The following ING5 variants were observed in gnomAD, a reference collection of about 807,000 sequenced individuals.
ING5 encodes the protein inhibitor of growth family member 5, also known as inhibitor of growth protein 5.
A neutral mutation model predicts 37.4 loss-of-function variants in ING5; 17 were observed. The observed-to-expected ratio is 0.45, with a 90% CI of 0.31 to 0.68. The LOEUF (loss-of-function observed/expected upper bound fraction) is 0.68. Among genes scored for constraint, ING5 ranks in the 30% least tolerant of loss-of-function variants. The pLI is 0.05. For missense variants in ING5, 233 were observed against 311.9 expected (o/e 0.75, Z 1.91); for synonymous variants, 123 against 116.6 (o/e 1.06, Z -0.36).
upstream of ING5, among the ~76,000 whole-genome samples, chr2:241,699,687 T>TGGGGC (rs2069684051): frequency 6.9e-6 from 1 of 145,266 alleles, no homozygotes; most frequent in African/African-American, 2.6e-5. Flanking sequence ...TGGCTGGGGG[T>TGGGGC]GGGGCGGGGG....
At position 241,721,558 on chromosome 2, in the gene ING5, G is replaced by C. The variant is rs1268942336; in HGVS notation, c.483-1381G>C. The C allele has an allele frequency of 3.0e-6, 3 of 985,330 alleles. No individual in the cohort carries two copies. The East Asian group carries it at 3.4e-4, about 112-fold the overall frequency. 61.0% of individuals were successfully genotyped at this position (985,330 alleles called of 1,614,324 possible). A position where few individuals can be genotyped will look rare whatever the true frequency, so the allele number is the denominator to read the frequency against. On this transcript the variant is annotated intron_variant, in intron 5 of 7. Transcript: ENST00000313552. ...AGACAGGTATCCAAGGAAAAGCTGA[G>C]TGTTGATTCCCTCTGGGACCCAGAC...
At chr2:241,723,174 G>A (rs746607590) in intron 6 of ING5, 36 bp from the exon 7 acceptor site, 2 of 1,613,748 alleles carry the variant, frequency 1.2e-6, no homozygotes, top group African/African-American at 2.7e-5. Context: ...CAGAACATGA[G>A]GCGTGTTGAC....
At chr2:241,723,935 G>A in intron 7 of ING5, 1 of 1,267,188 alleles carries the variant, frequency 7.9e-7, no homozygotes, top group Non-Finnish European at 1.1e-6. Context: ...GCTTGAGCCT[G>A]GAAGTCCGAG....
chr2:241,719,425 C>T (rs1575138535), intron 5 of ING5: 4 of 883,344 alleles, frequency 4.5e-6, no homozygotes, highest in East Asian at 5.3e-5. Flanking sequence ...CACAGCTCCC[C>T]GACATCTTTG....
At chr2:241,718,330 TCC>T in intron 5 of ING5, among the ~76,000 whole-genome samples, 1 of 145,134 alleles carries the variant, frequency 6.9e-6, no homozygotes, top group East Asian at 2.1e-4. Context: ...CCTTCCTCCC[TCC>T]CTCCCTCACT....
intron 5 of ING5, among the ~76,000 whole-genome samples, chr2:241,713,854 T>C (rs534865829): frequency 2.8e-4 from 43 of 152,040 alleles, no homozygotes; most frequent in African/African-American, 9.6e-4. Flanking sequence ...AGCTGAGTAG[T>C]TGGCAGCTGC....
rs371523569 is a variant in ING5 at position 241,722,277 on chromosome 2, A to G, written c.483-662A>G. The G allele has an allele frequency of 1.9e-5, 19 of 985,240 alleles. No individual in the cohort carries two copies. The African/African-American group carries it at 3.3e-4, about 17-fold the overall frequency. The allele number at this position is 985,240 out of a possible 1,614,324, so 61.0% of individuals were successfully genotyped here. On this transcript the variant is annotated intron_variant, in intron 5 of 7. Coordinates refer to ENST00000313552, the MANE Select transcript of ING5 (RefSeq NM_032329.6). ...CAGAGGTGACGTGTGCTTGTTTCCA[A>G]AGGGGCCGGGGTCTTTGGAGGGATG...
chr2:241,724,230 G>A (rs1691510100), intron 7 of ING5, among the ~76,000 whole-genome samples: 1 of 152,212 alleles, frequency 6.6e-6, no homozygotes, highest in Admixed American at 6.5e-5. Context: ...AGGATGCCGT[G>A]TCTCGGAGGC....
rs561155861 is a variant in ING5, at chr2:241,712,227, C to T, written c.482+156C>T. ...GCTGCGCGCCTGTCGTCAGCCTGTC[C>T]TCACCGCAGCCTTTGAGGGGGTGCC... On this transcript the variant is annotated intron_variant, in intron 5 of 7. Coordinates refer to ENST00000313552, the MANE Select transcript of ING5 (RefSeq NM_032329.6). The T allele has an allele frequency of 9.4e-4, 593 of 629,632 alleles. 3 individuals are homozygous for T. In the African/African-American group the frequency reaches 9.7e-3, roughly 10 times the overall value. The allele number at this position is 629,632 out of a possible 1,614,324, so 39.0% of individuals were successfully genotyped here.
exon 1 of ING5, chr2:241,687,184 C>T: frequency 2.5e-6 from 1 of 394,192 alleles, no homozygotes. Flanking sequence ...CGTCGGCTCT[C>T]GTTGGCCCCT....
At position 241,709,316 on chromosome 2, in the gene ING5, C is replaced by A. The variant is rs200433676; in HGVS notation, c.210C>A (p.Asn70Lys). 1 of 1,614,102 alleles carries A rather than the reference C, an allele frequency of 6.2e-7. No homozygotes were observed. Among genetic ancestry groups the A allele is most frequent in the South Asian group, 1.1e-5 (1 of 91,084 alleles). ...TGGAGCGCCTGCAGAAGATCCAGAA[C>A]GCCTACAGCAAGTGCAAGGAATACA... The part of the protein sequence containing the change: ...QRVERLQKIQ[N>K]AYSKCKEYSD... Residue 70 changes from asparagine (N) to lysine (K), a missense_variant, in exon 3 of 8, where the codon AAC (asparagine) becomes AAA (lysine). Physicochemically the swap from Asn to Lys is moderately conservative, Grantham distance 94. Coordinates refer to ENST00000313552, the MANE Select transcript of ING5 (RefSeq NM_032329.6).
chr2:241,717,781 T>C (rs1165452918), intron 5 of ING5, among the ~76,000 whole-genome samples: 1 of 152,040 alleles, frequency 6.6e-6, no homozygotes. Flanking sequence ...GATTTTTTTG[T>C]GTATATTTTG....
chr2:241,697,228 G>A (rs574834371), upstream of ING5, among the ~76,000 whole-genome samples: 2 of 152,200 alleles, frequency 1.3e-5, no homozygotes, highest in African/African-American at 2.4e-5. Flanking sequence ...AAGGCCAGGA[G>A]ATCAAGACCA....
chr2:241,710,813 A>G (rs74216774), intron 3 of ING5, among the ~76,000 whole-genome samples: 2 of 151,566 alleles, frequency 1.3e-5, no homozygotes, highest in Admixed American at 6.6e-5. Flanking sequence ...GGGTTTTGCC[A>G]TGTTGGCCAG....
At position 241,695,352 on chromosome 2, in the gene ING5, C is replaced by G. The variant is rs1392045558; in HGVS notation, c.43+4699C>G. Among the ~76,000 whole-genome samples the G allele has an allele frequency of 4.0e-5, 6 of 151,442 alleles. No individual in the cohort carries two copies. In the East Asian group the frequency reaches 1.2e-3, roughly 29 times the overall value. On this transcript the variant is annotated intron_variant, in intron 2 of 7. Transcript: ENST00000636051. ...TCTGTCACACTGGACAGGACAGTCA[C>G]CTGGTGGAGCTGCTGAAATTCCTGG...
upstream of ING5, chr2:241,701,907 G>GCAGCCCT (rs2069735655): frequency 2.8e-6 from 1 of 354,402 alleles, no homozygotes; most frequent in African/African-American, 2.2e-5. Flanking sequence ...CCCGCAGCCC[G>GCAGCCCT]CCGCCCGCCG....
At chr2:241,713,818 G>A (rs867705004) in intron 5 of ING5, among the ~76,000 whole-genome samples, 8 of 152,046 alleles carry the variant, frequency 5.3e-5, no homozygotes, top group East Asian at 1.9e-4. Context: ...GTGAAACCCC[G>A]TCTCTACCAA....
At chr2:241,713,452 C>T (rs1219730789) in intron 5 of ING5, among the ~76,000 whole-genome samples, 5 of 147,414 alleles carry the variant, frequency 3.4e-5, no homozygotes, top group Non-Finnish European at 5.9e-5. Context: ...CTCACTGCAA[C>T]CTCTGCCTCC....
chr2:241,698,540 G>GTGTGT (rs1553580064), upstream of ING5, among the ~76,000 whole-genome samples: 16 of 138,900 alleles, frequency 1.2e-4, no homozygotes, highest in Admixed American at 2.2e-4. Flanking sequence ...TGTGTGTGTG[G>GTGTGT]AGGAGTATAT....
Sources: gnomAD v4.1 joint callset for allele counts (sites outside exome capture counted in the v4.1 genomes callset) on GRCh38, gnomAD v4.1.1 for gene constraint, MANE v1.5 for transcripts, NCBI Gene and HGNC (gene_info 2026-07-23, HGNC 2026-07-21) for gene names.